The following TEAD1 variants were observed in gnomAD, a reference collection of about 807,000 sequenced individuals.
TEAD1 encodes TEA domain transcription factor 1.
TEAD1 carries 9 observed loss-of-function variants against 54.9 expected under a neutral mutation model. The observed-to-expected ratio is 0.16, with a 90% confidence interval of 0.10 to 0.29. TEAD1 has a LOEUF of 0.29. TEAD1 is among the 10% of genes least tolerant of loss of function. The pLI is 1.00. For missense variants in TEAD1, 387 were observed against 535.9 expected (o/e 0.72, Z 2.74); for synonymous variants, 200 against 187.8 (o/e 1.07, Z -0.53).
Position 12,907,477 on chromosome 11 carries a change from C to T in TEAD1, c.873+5364C>T, listed in dbSNP as rs1458355074. Among the ~76,000 whole-genome samples the T allele has an allele frequency of 5.3e-5, 8 of 152,336 alleles. No homozygotes were observed. In the East Asian group the frequency reaches 1.3e-3, roughly 26 times the overall value. ...TTTTATTATATTTTCCTTTTCATGA[C>T]AGCCTCTTACTCATTTCCTTTCTAT... On this transcript the variant is annotated intron_variant, in intron 10 of 12. Coordinates refer to ENST00000527636, the MANE Select transcript of TEAD1 (RefSeq NM_021961.6).
chr11:12,702,713 C>A (rs1246207999), intron 2 of TEAD1, among the ~76,000 whole-genome samples: 1 of 151,870 alleles, frequency 6.6e-6, no homozygotes, highest in Non-Finnish European at 1.5e-5. Context: ...CTACTTCCGT[C>A]CTTCTCTCGC....
intron 2 of TEAD1, among the ~76,000 whole-genome samples, chr11:12,689,904 AC>A (rs1336484561): frequency 2.6e-5 from 4 of 152,062 alleles, no homozygotes; most frequent in Admixed American, 6.6e-5. Context: ...TTAAAAAAAA[AC>A]AACCAACTAT....
intron 3 of TEAD1, among the ~76,000 whole-genome samples, chr11:12,787,530 T>C (rs1945703676): frequency 6.6e-6 from 1 of 152,176 alleles, no homozygotes; most frequent in Non-Finnish European, 1.5e-5. Context: ...TTGAAGGAAG[T>C]TGTTTTTCGT....
At chr11:12,796,709 G>A (rs1022037632) in intron 3 of TEAD1, among the ~76,000 whole-genome samples, 2 of 151,064 alleles carry the variant, frequency 1.3e-5, no homozygotes, top group Non-Finnish European at 1.5e-5. Flanking sequence ...CTGGGCAACA[G>A]AGCTAGATCC....
chr11:12,939,844 C>T lies in TEAD1; in HGVS notation c.*2622C>T, dbSNP rs1949143317. The T allele has an allele frequency of 1.3e-5, 2 of 152,264 alleles. No homozygotes were observed. Among genetic ancestry groups the T allele is most frequent in the South Asian group, 2.1e-4 (1 of 4,834 alleles). The allele number at this position is 152,264 out of a possible 1,614,324, so 9.4% of individuals were successfully genotyped here. ...TCCCAGTGGGCTTCTCTTTGTCTCT[C>T]CCAGATTAGACCTTTGGGTGAGATT... On this transcript the variant is annotated 3_prime_UTR_variant, in exon 13 of 13. Coordinates refer to ENST00000527636, the MANE Select transcript of TEAD1 (RefSeq NM_021961.6).
intron 4 of TEAD1, among the ~76,000 whole-genome samples, chr11:12,864,022 G>A (rs1947560073): frequency 6.6e-6 from 1 of 150,652 alleles, no homozygotes; most frequent in Non-Finnish European, 1.5e-5. Context: ...TCCACTTGGC[G>A]CCCAGTCAAT....
intron 9 of TEAD1, among the ~76,000 whole-genome samples, chr11:12,887,328 C>T (rs1948112402): frequency 6.6e-6 from 1 of 151,986 alleles, no homozygotes; most frequent in Non-Finnish European, 1.5e-5. Context: ...ATCTCCTGAC[C>T]TCGTGATCTG....
intron 2 of TEAD1, among the ~76,000 whole-genome samples, chr11:12,731,826 A>G (rs1944431082): frequency 6.6e-6 from 1 of 152,074 alleles, no homozygotes; most frequent in African/African-American, 2.4e-5. Flanking sequence ...CACTGTCCCC[A>G]TTTCTCTTAG....
chr11:12,910,874 G>C (rs78285969), intron 10 of TEAD1, among the ~76,000 whole-genome samples: 3 of 151,036 alleles, frequency 2.0e-5, no homozygotes, highest in South Asian at 4.2e-4. Context: ...AGCCTCCCGA[G>C]TAGCTGGGAT....
intron 3 of TEAD1, among the ~76,000 whole-genome samples, chr11:12,765,239 A>G (rs1564932260): frequency 6.6e-6 from 1 of 152,116 alleles, no homozygotes; most frequent in East Asian, 1.9e-4. Context: ...GGCACCCCCT[A>G]ACTTCCTTCC....
chr11:12,824,137 T>G (rs1172876106), intron 3 of TEAD1, among the ~76,000 whole-genome samples: 1 of 152,226 alleles, frequency 6.6e-6, no homozygotes, highest in Non-Finnish European at 1.5e-5. Flanking sequence ...TTTCAAACAG[T>G]ATTTTCTGTG....
chr11:12,807,778 C>T (rs1228612315), intron 3 of TEAD1, among the ~76,000 whole-genome samples: 3 of 152,176 alleles, frequency 2.0e-5, no homozygotes, highest in Non-Finnish European at 4.4e-5. Flanking sequence ...CGGAGTTTAC[C>T]TGTTAAGGTG....
intron 2 of TEAD1, among the ~76,000 whole-genome samples, chr11:12,676,188 C>T (rs1422803392): frequency 6.6e-6 from 1 of 152,246 alleles, no homozygotes; most frequent in African/African-American, 2.4e-5. Flanking sequence ...ACACGTATTG[C>T]AAAGGAGCAG....
At chr11:12,905,326 A>G (rs1948499705) in intron 10 of TEAD1, among the ~76,000 whole-genome samples, 1 of 152,190 alleles carries the variant, frequency 6.6e-6, no homozygotes, top group Admixed American at 6.5e-5. Context: ...AGAGTATGGT[A>G]GCTGTTGGGA....
chr11:12,791,552 C>T (rs1180141570), intron 3 of TEAD1, among the ~76,000 whole-genome samples: 1 of 152,050 alleles, frequency 6.6e-6, no homozygotes, highest in Non-Finnish European at 1.5e-5. Flanking sequence ...GATCAGTAGG[C>T]TTTTTTTCCT....
intron 7 of TEAD1, 108 bp downstream of exon 7, chr11:12,881,159 AT>A: frequency 7.9e-7 from 1 of 1,263,524 alleles, no homozygotes; most frequent in South Asian, 1.2e-5. Context: ...AGAAAGGAGC[AT>A]TACACTGAGG....
intron 8 of TEAD1, among the ~76,000 whole-genome samples, chr11:12,882,376 C>T (rs2134098431): frequency 6.6e-6 from 1 of 152,192 alleles, no homozygotes; most frequent in African/African-American, 2.4e-5. Context: ...CATGGAAGCT[C>T]AAAGTGGAAA....
chr11:12,832,790 C>A (rs911686841), intron 3 of TEAD1, among the ~76,000 whole-genome samples: 4 of 152,252 alleles, frequency 2.6e-5, no homozygotes, highest in African/African-American at 9.6e-5. Context: ...CAATTGCTAA[C>A]AAGTTTCCAT....
intron 2 of TEAD1, among the ~76,000 whole-genome samples, chr11:12,711,739 C>G (rs1057069763): frequency 6.6e-6 from 1 of 152,132 alleles, no homozygotes. Context: ...AGCAAGGTAA[C>G]GTGGAAGGTG....
Sources: gnomAD v4.1 joint callset for allele counts (sites outside exome capture counted in the v4.1 genomes callset) on GRCh38, gnomAD v4.1.1 for gene constraint, MANE v1.5 for transcripts, NCBI Gene and HGNC (gene_info 2026-07-23, HGNC 2026-07-21) for gene names.